Variants in OR1B1 observed in about 807,000 individuals in gnomAD.
The protein encoded by OR1B1 is olfactory receptor family 1 subfamily B member 1.
For missense variants in OR1B1, 414 were observed against 402.1 expected (o/e 1.03, Z -0.25); for synonymous variants, 168 against 156.2 (o/e 1.08, Z -0.57).
the OR1B1 span, among the ~76,000 whole-genome samples, chr9:122,636,181 T>C: frequency 6.6e-6 from 1 of 152,204 alleles, no homozygotes; most frequent in Non-Finnish European, 1.5e-5. Context: ...GTCATTTTAG[T>C]GGAGCATTTT....
the OR1B1 span, among the ~76,000 whole-genome samples, chr9:122,645,513 A>AT: frequency 1.3e-5 from 2 of 152,284 alleles, no homozygotes; most frequent in East Asian, 3.9e-4. Flanking sequence ...AAGGCCAAGG[A>AT]TAAAAAAAGG....
At chr9:122,644,266 C>T in the OR1B1 span, among the ~76,000 whole-genome samples, 1 of 152,002 alleles carries the variant, frequency 6.6e-6, no homozygotes, top group Admixed American at 6.5e-5. Context: ...GCAGCATTCA[C>T]CACAAGCTGA....
At chr9:122,628,398 T>C (rs1465149790), downstream of OR1B1, among the ~76,000 whole-genome samples, 2 of 152,180 alleles carry the variant, frequency 1.3e-5, no homozygotes, top group Non-Finnish European at 2.9e-5. Flanking sequence ...AGCCCTGATC[T>C]TATGTGTCTA....
At chr9:122,636,102 A>G in the OR1B1 span, among the ~76,000 whole-genome samples, 5 of 152,200 alleles carry the variant, frequency 3.3e-5, no homozygotes, top group Admixed American at 6.5e-5. Context: ...AACAAGTAAA[A>G]AGCTGCTCAT....
the OR1B1 span, among the ~76,000 whole-genome samples, chr9:122,644,151 G>T: frequency 1.3e-4 from 19 of 151,450 alleles, no homozygotes; most frequent in Non-Finnish European, 2.4e-4. Flanking sequence ...CAATAATCAG[G>T]CTATTGGGGT....
chr9:122,654,405 A>C, the OR1B1 span, among the ~76,000 whole-genome samples: 1 of 152,108 alleles, frequency 6.6e-6, no homozygotes, highest in Admixed American at 6.5e-5. Context: ...CTTCGTGGGA[A>C]CTCAGTGCTC....
the OR1B1 span, among the ~76,000 whole-genome samples, chr9:122,654,241 G>T: frequency 6.6e-6 from 1 of 152,180 alleles, no homozygotes; most frequent in African/African-American, 2.4e-5. Context: ...TACAAATGAG[G>T]ACAGTTTTAT....
the OR1B1 span, among the ~76,000 whole-genome samples, chr9:122,650,907 C>G: frequency 6.6e-6 from 1 of 151,914 alleles, no homozygotes; most frequent in East Asian, 1.9e-4. Context: ...CCCCTGTAGC[C>G]CCAGCTACTC....
chr9:122,655,806 T>G, the OR1B1 span, among the ~76,000 whole-genome samples: 2 of 150,852 alleles, frequency 1.3e-5, no homozygotes, highest in Non-Finnish European at 3.0e-5. Flanking sequence ...GTAACAAAAC[T>G]GCACATCCTG....
chr9:122,643,780 G>A, the OR1B1 span, among the ~76,000 whole-genome samples: 1 of 152,234 alleles, frequency 6.6e-6, no homozygotes, highest in Non-Finnish European at 1.5e-5. Context: ...TACCAACTCA[G>A]CCACAGCAGG....
chr9:122,644,821 G>T, the OR1B1 span, among the ~76,000 whole-genome samples: 7 of 152,272 alleles, frequency 4.6e-5, no homozygotes, highest in South Asian at 1.0e-3. Flanking sequence ...CCAAGGACAG[G>T]CACACGCAAG....
upstream of OR1B1, among the ~76,000 whole-genome samples, chr9:122,630,842 G>T: frequency 6.6e-6 from 1 of 151,874 alleles, no homozygotes; most frequent in East Asian, 1.9e-4. Flanking sequence ...CAAGTAGCTG[G>T]GACTGCAGGC....
chr9:122,640,654 C>G, the OR1B1 span, among the ~76,000 whole-genome samples: 1 of 152,232 alleles, frequency 6.6e-6, no homozygotes, highest in Admixed American at 6.5e-5. Flanking sequence ...TCTCACAAAG[C>G]ACAACTGTTA....
At chr9:122,631,786 C>T (rs374258671), upstream of OR1B1, among the ~76,000 whole-genome samples, 7 of 151,870 alleles carry the variant, frequency 4.6e-5, no homozygotes, top group African/African-American at 1.2e-4. Flanking sequence ...AGGGTATACA[C>T]GAACAGGAAA....
At chr9:122,638,710 A>G in the OR1B1 span, among the ~76,000 whole-genome samples, 1 of 152,162 alleles carries the variant, frequency 6.6e-6, no homozygotes, top group Non-Finnish European at 1.5e-5. Context: ...AAGTTCCCCT[A>G]GATGGTCTTT....
chr9:122,646,562 A>G, the OR1B1 span, among the ~76,000 whole-genome samples: 1 of 152,142 alleles, frequency 6.6e-6, no homozygotes, highest in Non-Finnish European at 1.5e-5. Flanking sequence ...CTGTACTTAC[A>G]TCAGACAAAA....
the OR1B1 span, among the ~76,000 whole-genome samples, chr9:122,654,576 T>G: frequency 6.6e-6 from 1 of 152,214 alleles, no homozygotes; most frequent in Non-Finnish European, 1.5e-5. Flanking sequence ...TACCACTCCT[T>G]CTTTATTTCA....
At chr9:122,642,645 C>T in the OR1B1 span, among the ~76,000 whole-genome samples, 1 of 152,116 alleles carries the variant, frequency 6.6e-6, no homozygotes, top group African/African-American at 2.4e-5. Flanking sequence ...GCCACTGATC[C>T]TGTTGGGGTA....
upstream of OR1B1, among the ~76,000 whole-genome samples, chr9:122,633,625 C>T (rs896989754): frequency 6.6e-6 from 1 of 151,798 alleles, no homozygotes; most frequent in Admixed American, 6.6e-5. Context: ...ATAATAATAA[C>T]CAAGTTTCAA....
Sources: allele counts gnomAD v4.1 joint callset (sites outside exome capture counted in the v4.1 genomes callset), GRCh38; gene constraint gnomAD v4.1.1; transcripts MANE v1.5; gene names NCBI Gene and HGNC (gene_info 2026-07-23, HGNC 2026-07-21).